SULF1: variants seen among roughly 807,000 people sequenced by gnomAD.
The protein encoded by SULF1 is extracellular sulfatase Sulf-1.
In SULF1, 46 loss-of-function variants were observed where a neutral mutation model predicts 110.5. The ratio of observed to expected loss-of-function variants is 0.42; its 90% confidence interval spans 0.33 to 0.53. SULF1 has a LOEUF of 0.53. Among genes scored for constraint, SULF1 ranks in the 20% least tolerant of loss-of-function variants. The pLI, the probability that SULF1 is intolerant of heterozygous loss-of-function variation, is 0.12. For synonymous variants in SULF1, 371 were observed against 387.1 expected (o/e 0.96, Z 0.49); for missense variants, 941 against 1,094.2 (o/e 0.86, Z 1.98).
At chr8:69,490,567 A>G (rs565392495), upstream of SULF1, among the ~76,000 whole-genome samples, 1 of 152,184 alleles carries the variant, frequency 6.6e-6, no homozygotes, top group Non-Finnish European at 1.5e-5. Flanking sequence ...GGCCTCCCTC[A>G]CATTCGTCCC....
chr8:69,586,124 C>T (rs1373210961), intron 6 of SULF1, among the ~76,000 whole-genome samples: 1 of 152,170 alleles, frequency 6.6e-6, no homozygotes, highest in Non-Finnish European at 1.5e-5. Context: ...ATGATGGTTT[C>T]ATTGAGCTGT....
chr8:69,522,075 G>A (rs552329215), intron 3 of SULF1, among the ~76,000 whole-genome samples: 4 of 150,916 alleles, frequency 2.7e-5, no homozygotes, highest in Non-Finnish European at 5.9e-5. Flanking sequence ...TTTTGAGACA[G>A]CATCTTGCTC....
rs538019115 is a variant in SULF1 at position 69,493,139 on chromosome 8, TCTG to T, written c.-391+17_-391+19del. 7.9e-5 allele frequency: 12 copies of T among 152,794 alleles called. No individual in the cohort carries two copies. Among genetic ancestry groups the T allele is most frequent in the African/African-American group, 2.9e-4 (12 of 41,578 alleles). 9.5% of individuals were successfully genotyped at this position (152,794 alleles called of 1,614,324 possible). A position where few individuals can be genotyped will look rare whatever the true frequency, so the allele number is the denominator to read the frequency against. On this transcript the variant is annotated intron_variant, in intron 1 of 22. Transcript: ENST00000402687. ...AAGGCGGCTTTTGTAAGTATCGTGC[TCTG>T]CTTTTACTTTAAAAAGAAAGAAGAC...
In SULF1 at chr8:69,604,851, A is replaced by G. The variant is rs1381182337; in HGVS notation, c.1296A>G (p.Ser432=). The stretch of plus-strand genomic sequence containing the variant: ...AATCCAGCAAGAATATCCAACAGTC[A>G]AATCACTTGCCCAAATATGAACGGG... ...KEESSKNIQQ[S]NHLPKYERVK... Residue 432 remains serine, a synonymous_variant, in exon 13 of 23, where the codon TCA becomes TCG. Coordinates refer to ENST00000402687, the MANE Select transcript of SULF1 (RefSeq NM_001128205.2). 2 of 1,614,168 alleles carry G rather than the reference A, an allele frequency of 1.2e-6. No individual in the cohort carries two copies. Among genetic ancestry groups the G allele is most frequent in the East Asian group, 4.5e-5 (2 of 44,874 alleles).
chr8:69,588,121 C>T (rs1244249860), intron 7 of SULF1, among the ~76,000 whole-genome samples: 2 of 152,206 alleles, frequency 1.3e-5, no homozygotes, highest in African/African-American at 2.4e-5. Flanking sequence ...AGCTCCAAGC[C>T]AATGACACAC....
intron 3 of SULF1, among the ~76,000 whole-genome samples, chr8:69,557,601 A>G (rs1474096313): frequency 6.6e-6 from 1 of 152,196 alleles, no homozygotes; most frequent in Non-Finnish European, 1.5e-5. Context: ...GAGAAAACCT[A>G]GAAAACTTAA....
rs183408956 is a variant in SULF1 at position 69,505,821 on chromosome 8, A to G, written c.-134+3853A>G. ...GAAACATTTCTCATTGAAGAGGACA[A>G]TTTATTACACAGAATATCAACTCAT... On this transcript the variant is annotated intron_variant, in intron 3 of 22. Coordinates refer to ENST00000402687, the MANE Select transcript of SULF1 (RefSeq NM_001128205.2). 3.2e-3 allele frequency among the ~76,000 whole-genome samples: 491 copies of G among 152,150 alleles called. 3 individuals carry two copies. The highest frequency in any genetic ancestry group is 0.011 in the African/African-American group (471 of 41,566).
chr8:69,560,197 G>T (rs1815385660), intron 3 of SULF1, among the ~76,000 whole-genome samples: 1 of 152,142 alleles, frequency 6.6e-6, no homozygotes, highest in South Asian at 2.1e-4. Context: ...GCACCAAGCT[G>T]CCCAGCCAAA....
chr8:69,516,562 A>G (rs1811934668), intron 3 of SULF1, among the ~76,000 whole-genome samples: 1 of 152,224 alleles, frequency 6.6e-6, no homozygotes. Flanking sequence ...TACCTCTTGG[A>G]TGAGAATTGC....
intron 3 of SULF1, among the ~76,000 whole-genome samples, chr8:69,510,077 C>A (rs1586262064): frequency 6.6e-6 from 1 of 152,104 alleles, no homozygotes; most frequent in Non-Finnish European, 1.5e-5. Flanking sequence ...GACAGTAATA[C>A]CATGTATGCA....
intron 22 of SULF1, among the ~76,000 whole-genome samples, chr8:69,644,837 A>G (rs998864933): frequency 5.9e-5 from 9 of 151,992 alleles, no homozygotes; most frequent in Non-Finnish European, 1.2e-4. Flanking sequence ...GATGAGAAGA[A>G]CAAAACAAAC....
chr8:69,638,682 A>C, intron 20 of SULF1, 38 bp downstream of exon 20: 2 of 1,612,624 alleles, frequency 1.2e-6, no homozygotes, highest in South Asian at 1.1e-5. Flanking sequence ...AGGTTGTTGA[A>C]AATAGGATAA....
At chr8:69,564,241 T>G in intron 5 of SULF1, 94 bp downstream of exon 5, 1 of 1,434,734 alleles carries the variant, frequency 7.0e-7, no homozygotes, top group Non-Finnish European at 9.7e-7. Context: ...GCTTTGCACT[T>G]AATTATTGCA....
intron 3 of SULF1, among the ~76,000 whole-genome samples, chr8:69,547,568 A>C (rs16936059): frequency 0.19 from 28,926 of 152,110 alleles, 2,982 homozygotes; most frequent in East Asian, 0.32. Context: ...CATTTGAAAA[A>C]CATGAGCGCT....
chr8:69,471,812 T>C (rs1809098040), intron 1 of SULF1, among the ~76,000 whole-genome samples: 2 of 152,328 alleles, frequency 1.3e-5, no homozygotes, highest in Non-Finnish European at 2.9e-5. Flanking sequence ...GTATGTTCAA[T>C]AAATGGAAGT....
At chr8:69,624,928 T>C (rs1377552290) in intron 15 of SULF1, among the ~76,000 whole-genome samples, 1 of 152,240 alleles carries the variant, frequency 6.6e-6, no homozygotes, top group Non-Finnish European at 1.5e-5. Flanking sequence ...TGTATCACTT[T>C]GAGGAGATGG....
chr8:69,509,134 C>G (rs555827655), intron 3 of SULF1, among the ~76,000 whole-genome samples: 3 of 152,290 alleles, frequency 2.0e-5, no homozygotes, highest in South Asian at 2.1e-4. Flanking sequence ...TGAAGCCACT[C>G]AAACACAACC....
chr8:69,501,180 G>C (rs1810772425), intron 2 of SULF1, among the ~76,000 whole-genome samples: 1 of 152,148 alleles, frequency 6.6e-6, no homozygotes, highest in South Asian at 2.1e-4. Flanking sequence ...GAAATTCTGA[G>C]TTGTTAAATA....
intron 3 of SULF1, among the ~76,000 whole-genome samples, chr8:69,509,188 T>G (rs1756332506): frequency 1.3e-5 from 2 of 152,244 alleles, no homozygotes; most frequent in South Asian, 4.1e-4. Flanking sequence ...CATTACATGG[T>G]GATCATTAGT....
Sources: gnomAD v4.1 joint callset for allele counts (sites outside exome capture counted in the v4.1 genomes callset) on GRCh38, gnomAD v4.1.1 for gene constraint, MANE v1.5 for transcripts, NCBI Gene and HGNC (gene_info 2026-07-23, HGNC 2026-07-21) for gene names.